The following RABGEF1 variants were observed in gnomAD, a reference collection of about 807,000 sequenced individuals.
RABGEF1 encodes the protein rab5 GDP/GTP exchange factor.
Under a neutral mutation model 57.3 loss-of-function variants are expected in RABGEF1, and 26 were observed. The observed-to-expected ratio is 0.45, with a 90% CI of 0.33 to 0.63. The LOEUF is 0.63. RABGEF1 is among the 20% of genes least tolerant of loss of function. The pLI is 0.02. For missense variants in RABGEF1, 464 were observed against 607.6 expected, an observed-to-expected ratio of 0.76 and a Z score of 2.48; for synonymous variants, 185 against 210.7, an observed-to-expected ratio of 0.88 and a Z score of 1.06.
At chr7:66,792,110 CAAA>C (rs200920841) in intron 4 of RABGEF1, among the ~76,000 whole-genome samples, 11 of 90,958 alleles carry the variant, frequency 1.2e-4, no homozygotes, top group East Asian at 3.0e-4. Flanking sequence ...GACTCCATCT[CAAA>C]AAAAAAAAAA....
intron 1 of RABGEF1, among the ~76,000 whole-genome samples, chr7:66,742,493 A>G (rs541730607): frequency 5.7e-4 from 87 of 152,312 alleles, no homozygotes; most frequent in African/African-American, 2.0e-3. Context: ...GGAAGGGATC[A>G]GGGAATACTT....
chr7:66,671,639 C>T, the RABGEF1 span, among the ~76,000 whole-genome samples: 3 of 152,044 alleles, frequency 2.0e-5, no homozygotes, highest in South Asian at 2.1e-4. Flanking sequence ...AACACTAAAA[C>T]GTGGAAAAAC....
intron 2 of RABGEF1, among the ~76,000 whole-genome samples, chr7:66,731,958 G>T (rs1457819822): frequency 6.6e-6 from 1 of 152,208 alleles, no homozygotes; most frequent in Non-Finnish European, 1.5e-5. Flanking sequence ...TCCCCCCAGG[G>T]CCCATGGGGG....
At chr7:66,716,975 C>T (rs182728716) in intron 2 of RABGEF1, among the ~76,000 whole-genome samples, 1,890 of 152,242 alleles carry the variant, frequency 0.012, 18 homozygotes, top group Middle Eastern at 0.02. Flanking sequence ...GACGGGGTTT[C>T]GCCATGTTGG....
chr7:66,678,564 CAA>C (rs58309880), upstream of RABGEF1, among the ~76,000 whole-genome samples: 37 of 86,180 alleles, frequency 4.3e-4, no homozygotes, highest in African/African-American at 1.4e-3. Flanking sequence ...GAGTCCGTCT[CAA>C]AAAAAAAAAA....
At chr7:66,719,799 C>T (rs769888649) in intron 2 of RABGEF1, among the ~76,000 whole-genome samples, 12 of 152,140 alleles carry the variant, frequency 7.9e-5, no homozygotes, top group Non-Finnish European at 8.8e-5. Flanking sequence ...AAATTACATA[C>T]TGTCTTTTCC....
chr7:66,761,333 C>G (rs1186931765), intron 1 of RABGEF1, among the ~76,000 whole-genome samples: 5 of 152,186 alleles, frequency 3.3e-5, no homozygotes, highest in African/African-American at 1.2e-4. Context: ...TCTAACTGAC[C>G]AGCTTCAAGT....
At chr7:66,656,385 T>C in the RABGEF1 span, among the ~76,000 whole-genome samples, 1 of 152,014 alleles carries the variant, frequency 6.6e-6, no homozygotes, top group Non-Finnish European at 1.5e-5. Flanking sequence ...CCCAATGTGC[T>C]GAAATTACAG....
chr7:66,686,149 T>C (rs1790592911), intron 1 of RABGEF1, among the ~76,000 whole-genome samples: 1 of 151,994 alleles, frequency 6.6e-6, no homozygotes, highest in African/African-American at 2.4e-5. Flanking sequence ...GGCATGGTGG[T>C]GTGTGCCTGT....
chr7:66,758,346 G>T (rs1423704796), intron 1 of RABGEF1, among the ~76,000 whole-genome samples: 1 of 152,174 alleles, frequency 6.6e-6, no homozygotes, highest in East Asian at 1.9e-4. Flanking sequence ...ATAAAACCTA[G>T]CGCCGAGGCA....
intron 1 of RABGEF1, among the ~76,000 whole-genome samples, chr7:66,703,520 AT>A (rs1793598383): frequency 6.6e-6 from 1 of 152,156 alleles, no homozygotes; most frequent in Non-Finnish European, 1.5e-5. Context: ...GCATGTGGAC[AT>A]CCAGTTGTCT....
intron 3 of RABGEF1, among the ~76,000 whole-genome samples, chr7:66,777,029 T>C (rs1455051305): frequency 6.6e-6 from 1 of 152,208 alleles, no homozygotes; most frequent in Non-Finnish European, 1.5e-5. Flanking sequence ...AGTGAGTTAA[T>C]GCATGTAAAG....
chr7:66,774,046 A>T (rs987736888), intron 2 of RABGEF1: 2 of 287,288 alleles, frequency 7.0e-6, no homozygotes, highest in Non-Finnish European at 1.4e-5. Context: ...TATTCTCCGC[A>T]TTCTGAACAT....
chr7:66,698,460 G>A (rs1462440970), intron 1 of RABGEF1, among the ~76,000 whole-genome samples: 1 of 152,222 alleles, frequency 6.6e-6, no homozygotes, highest in Middle Eastern at 3.2e-3. Flanking sequence ...TGGGCCCAGA[G>A]GAATCCGTTA....
intron 1 of RABGEF1, among the ~76,000 whole-genome samples, chr7:66,691,109 T>C (rs1490803757): frequency 1.3e-5 from 2 of 151,786 alleles, no homozygotes; most frequent in Non-Finnish European, 2.9e-5. Flanking sequence ...AAAAAGAAAA[T>C]GACAACACCA....
chr7:66,665,816 T>C, the RABGEF1 span, among the ~76,000 whole-genome samples: 1 of 152,108 alleles, frequency 6.6e-6, no homozygotes, highest in South Asian at 2.1e-4. Context: ...TGGCTCAGTA[T>C]GGGAGGTTCA....
chr7:66,720,486 C>T (rs1159390594), intron 2 of RABGEF1, among the ~76,000 whole-genome samples: 1 of 150,328 alleles, frequency 6.7e-6, no homozygotes, highest in Non-Finnish European at 1.5e-5. Context: ...GCACGAGCTA[C>T]TGTGCCCACC....
chr7:66,738,025 T>TG (rs1207861533), upstream of RABGEF1, among the ~76,000 whole-genome samples: 17,997 of 128,708 alleles, frequency 0.14, 1,046 homozygotes, highest in Non-Finnish European at 0.21. Flanking sequence ...TTTTTTTTGT[T>TG]TTTTTTTTTT....
At chr7:66,734,374 G>C (rs1346970902) in intron 2 of RABGEF1, among the ~76,000 whole-genome samples, 2 of 152,192 alleles carry the variant, frequency 1.3e-5, no homozygotes, top group Non-Finnish European at 2.9e-5. Context: ...TTCTGGGTAA[G>C]ATGCTCACCC....
Sources: allele counts gnomAD v4.1 joint callset (sites outside exome capture counted in the v4.1 genomes callset), GRCh38; gene constraint gnomAD v4.1.1; transcripts MANE v1.5; gene names NCBI Gene and HGNC (gene_info 2026-07-23, HGNC 2026-07-21).